Variants in SENP8 observed in about 807,000 individuals in gnomAD.
SENP8 encodes the protein SUMO peptidase family member, NEDD8 specific.
SENP8 carries 10 observed loss-of-function variants against 14.4 expected under a neutral mutation model. The ratio of observed to expected loss-of-function variants is 0.69; its 90% CI spans 0.43 to 1.18. SENP8 has a LOEUF of 1.18. SENP8 is among the 50% of genes most tolerant of loss of function. The pLI, the probability that SENP8 is intolerant of heterozygous loss-of-function variation, is 0.00. For synonymous variants in SENP8, 94 were observed against 95.5 expected, an observed-to-expected ratio of 0.98 and a Z score of 0.09; for missense variants, 202 against 249.4, an observed-to-expected ratio of 0.81 and a Z score of 1.28.
At chr15:72,117,127 G>A (rs1213640047), upstream of SENP8, 2 of 152,334 alleles carry the variant, frequency 1.3e-5, no homozygotes, top group Non-Finnish European at 2.9e-5. Flanking sequence ...GCCAAAGTCT[G>A]TGACGGTGTC....
intron 1 of SENP8, among the ~76,000 whole-genome samples, chr15:72,131,778 C>T (rs1393465401): frequency 6.6e-6 from 1 of 152,232 alleles, no homozygotes; most frequent in Non-Finnish European, 1.5e-5. Context: ...TTAGCATTCT[C>T]TCTCTTTATG....
intron 1 of SENP8, among the ~76,000 whole-genome samples, chr15:72,124,774 AT>A (rs2081200212): frequency 1.3e-5 from 2 of 152,138 alleles, no homozygotes. Context: ...TGTGTTCATT[AT>A]TAAAAAAGGG....
intron 1 of SENP8, among the ~76,000 whole-genome samples, chr15:72,128,246 C>A (rs577161583): frequency 1.3e-4 from 20 of 152,248 alleles, no homozygotes; most frequent in African/African-American, 4.3e-4. Flanking sequence ...TTATGGCAGG[C>A]AAAATTGGGA....
At chr15:72,117,778 G>A, upstream of SENP8, 1 of 398,198 alleles carries the variant, frequency 2.5e-6, no homozygotes, top group Non-Finnish European at 4.4e-6. Context: ...GGCAGAAGAG[G>A]CCGAGGCCAC....
upstream of SENP8, chr15:72,118,052 C>T (rs1335508734): frequency 1.0e-5 from 4 of 396,132 alleles, no homozygotes; most frequent in African/African-American, 6.2e-5. Context: ...AGCCAACCGC[C>T]GCCGCGTCCC....
intron 1 of SENP8, among the ~76,000 whole-genome samples, chr15:72,138,959 C>T (rs1347258934): frequency 1.7e-5 from 2 of 121,026 alleles, no homozygotes; most frequent in African/African-American, 3.1e-5. Context: ...AGTGTGACTC[C>T]ATCTCAAAAA....
At chr15:72,116,302 T>G (rs2080975326), upstream of SENP8, among the ~76,000 whole-genome samples, 1 of 152,256 alleles carries the variant, frequency 6.6e-6, no homozygotes, top group Non-Finnish European at 1.5e-5. Context: ...TGTGTGTGTG[T>G]GTATGACTAC....
At chr15:72,132,959 T>G (rs1455434456) in intron 1 of SENP8, among the ~76,000 whole-genome samples, 3 of 152,092 alleles carry the variant, frequency 2.0e-5, no homozygotes, top group Admixed American at 2.0e-4. Context: ...ACACCTGAGG[T>G]CAGGAATTCG....
At position 72,142,738 on chromosome 15, in the gene SENP8, A is replaced by G. The variant is rs1230534423; in HGVS notation, c.*2476A>G. ...AAATATTTCAACCATTTGGCAAGGT[A>G]TATGTTGAAGTTCACAAGCGCTGGT... is the stretch of plus-strand genomic sequence containing the variant. On this transcript the variant is annotated 3_prime_UTR_variant, in exon 2 of 2. Transcript: ENST00000340912. 6.6e-6 allele frequency: 1 copy of G among 152,254 alleles called. No homozygotes were observed. The highest frequency in any genetic ancestry group is 1.5e-5 in the Non-Finnish European group (1 of 68,044). 9.4% of individuals were successfully genotyped at this position (152,254 alleles called of 1,614,324 possible). A position where few individuals can be genotyped will look rare whatever the true frequency, so the allele number is the denominator to read the frequency against.
intron 1 of SENP8, among the ~76,000 whole-genome samples, chr15:72,119,294 A>G (rs1210052209): frequency 6.6e-6 from 1 of 152,210 alleles, no homozygotes; most frequent in Admixed American, 6.5e-5. Flanking sequence ...TTTTTGTTAA[A>G]TAAAACCAAT....
chr15:72,126,212 G>A (rs948815920), intron 1 of SENP8, among the ~76,000 whole-genome samples: 2 of 152,056 alleles, frequency 1.3e-5, no homozygotes, highest in Non-Finnish European at 2.9e-5. Flanking sequence ...GCCACATGTG[G>A]CTATTTAAAT....
chr15:72,131,628 T>C (rs562569313), intron 1 of SENP8, among the ~76,000 whole-genome samples: 1 of 152,248 alleles, frequency 6.6e-6, no homozygotes. Context: ...TCTACACTTA[T>C]GAATTCAATA....
chr15:72,135,874 A>T (rs1163055384), intron 1 of SENP8, among the ~76,000 whole-genome samples: 1 of 152,112 alleles, frequency 6.6e-6, no homozygotes, highest in East Asian at 1.9e-4. Context: ...GGTGTTGAAG[A>T]CTGGGTGTGA....
rs556948251 is a variant in SENP8, at chr15:72,137,613, A to C, written c.-47-1964A>C. 5.9e-5 allele frequency among the ~76,000 whole-genome samples: 9 copies of C among 152,322 alleles called. No individual in the cohort carries two copies. In the South Asian group the frequency reaches 8.3e-4, roughly 14 times the overall value. On this transcript the variant is annotated intron_variant, in intron 1 of 1. Coordinates refer to ENST00000340912, the MANE Select transcript of SENP8 (RefSeq NM_145204.4). ...TTTAAAATTACAGTTCCTTTTAACT[A>C]CTACCGTAATCACTGTCACGTTCCA...
rs111446198 is a variant in SENP8, at chr15:72,130,150, A to G, written c.-47-9427A>G. 1.5e-3 allele frequency among the ~76,000 whole-genome samples: 221 copies of G among 152,344 alleles called. 1 individual carries two copies. Among genetic ancestry groups the G allele is most frequent in the African/African-American group, 4.5e-3 (188 of 41,586 alleles). On this transcript the variant is annotated intron_variant, in intron 1 of 1. Transcript: ENST00000340912. ...GGTTACAGTGAGCTGAGATCGCGCC[A>G]TTGCACTCCAGCCTGAGCAAGAAGA...
At chr15:72,117,755 T>G (rs1224541147), upstream of SENP8, 6 of 397,122 alleles carry the variant, frequency 1.5e-5, no homozygotes, top group Admixed American at 4.4e-5. Context: ...CGCCCCAGGG[T>G]AGGACCGGAG....
chr15:72,138,168 G>A (rs975032471), intron 1 of SENP8, among the ~76,000 whole-genome samples: 1 of 151,904 alleles, frequency 6.6e-6, no homozygotes, highest in Non-Finnish European at 1.5e-5. Flanking sequence ...TAATCTCTGT[G>A]CTTCAAGAGG....
At chr15:72,125,221 G>A (rs2081205249) in intron 1 of SENP8, among the ~76,000 whole-genome samples, 1 of 152,012 alleles carries the variant, frequency 6.6e-6, no homozygotes, top group South Asian at 2.1e-4. Flanking sequence ...CCTTGAAAAA[G>A]CTTGCATGTA....
chr15:72,125,260 T>G (rs1271697180), intron 1 of SENP8, among the ~76,000 whole-genome samples: 2 of 152,150 alleles, frequency 1.3e-5, no homozygotes, highest in African/African-American at 4.8e-5. Flanking sequence ...GGGGCATCAT[T>G]TACTCATTTC....
Sources: allele counts gnomAD v4.1 joint callset (sites outside exome capture counted in the v4.1 genomes callset), GRCh38; gene constraint gnomAD v4.1.1; transcripts MANE v1.5; gene names NCBI Gene and HGNC (gene_info 2026-07-23, HGNC 2026-07-21).